Variants in HDAC8 observed in about 807,000 individuals in gnomAD.
HDAC8 encodes the protein histone deacetylase 8, also known as histone deacetylase-like 1.
HDAC8 carries 1 observed loss-of-function variant against 32.2 expected under a neutral mutation model. That is an observed-to-expected ratio of 0.03 (90% CI 0.01 to 0.15). The LOEUF is 0.15. Ranked by LOEUF, HDAC8 falls within the 10% of genes least tolerant of loss-of-function variation. The pLI, the probability that HDAC8 is intolerant of heterozygous loss-of-function variation, is 1.00. For synonymous variants in HDAC8, 108 were observed against 113.9 expected, an observed-to-expected ratio of 0.95 and a Z score of 0.33; for missense variants, 117 against 300.0, an observed-to-expected ratio of 0.39 and a Z score of 4.51.
intron 4 of HDAC8, among the ~76,000 whole-genome samples, chrX:72,515,587 T>TGGGGGGGGGGGGG (rs61675419): frequency 3.9e-4 from 13 of 33,720 alleles, no homozygotes; most frequent in Admixed American, 7.3e-4. Context: ...TCAGTGTGTG[T>TGGGGGGGGGGGGG]GGGGGGGGGG....
intron 7 of HDAC8, among the ~76,000 whole-genome samples, chrX:72,475,858 C>T (rs1007984109): frequency 9.0e-6 from 1 of 111,428 alleles, no homozygotes; most frequent in Non-Finnish European, 1.9e-5. Flanking sequence ...AGCAAACAAC[C>T]TCATATCCCT....
chrX:72,482,480 C>T (rs1237861068), intron 7 of HDAC8, among the ~76,000 whole-genome samples: 1 of 111,803 alleles, frequency 8.9e-6, no homozygotes, highest in Non-Finnish European at 1.9e-5. Flanking sequence ...CAAATTAAAT[C>T]CTTGAGATTA....
intron 7 of HDAC8, chrX:72,474,490 T>C: frequency 3.7e-6 from 4 of 1,068,034 alleles, no homozygotes; most frequent in Non-Finnish European, 4.8e-6. Context: ...TAATTTTTCG[T>C]TTTGTGAAAG....
At chrX:72,571,863 C>T (rs936204403) in intron 2 of HDAC8, 194 bp downstream of exon 2, 12 of 389,227 alleles carry the variant, frequency 3.1e-5, no homozygotes, top group Non-Finnish European at 4.3e-5. Context: ...GCCATGCTCT[C>T]GGCCCCCCAA....
intron 9 of HDAC8, among the ~76,000 whole-genome samples, chrX:72,456,534 C>T (rs782519608): frequency 8.9e-6 from 1 of 111,752 alleles, no homozygotes; most frequent in South Asian, 3.8e-4. Flanking sequence ...CATGGTGGCT[C>T]ACACCTGTAA....
At chrX:72,400,101 T>C (rs1258103768) in intron 9 of HDAC8, among the ~76,000 whole-genome samples, 1 of 111,802 alleles carries the variant, frequency 8.9e-6, no homozygotes, top group Non-Finnish European at 1.9e-5. Flanking sequence ...TCTTACCTCA[T>C]TGGTTATTCT....
At chrX:72,489,063 T>C in intron 6 of HDAC8, 22 bp from the exon 7 acceptor site, 1 of 1,056,424 alleles carries the variant, frequency 9.5e-7, no homozygotes, top group South Asian at 2.1e-5. Flanking sequence ...AAGAGCACTA[T>C]GATCAGTTAT....
chrX:72,404,104 G>T (rs73218354), intron 9 of HDAC8, among the ~76,000 whole-genome samples: 1,271 of 111,384 alleles, frequency 0.011, 6 homozygotes, highest in Middle Eastern at 0.028. Flanking sequence ...TATATATTTA[G>T]ATTTATTTAT....
intron 7 of HDAC8, among the ~76,000 whole-genome samples, chrX:72,477,124 G>A (rs1556000975): frequency 8.9e-6 from 1 of 111,945 alleles, no homozygotes; most frequent in Non-Finnish European, 1.9e-5. Flanking sequence ...AAATCAGATT[G>A]GAAGCCAAAC....
chrX:72,441,352 G>A (rs1218697911), intron 9 of HDAC8, among the ~76,000 whole-genome samples: 2 of 111,912 alleles, frequency 1.8e-5, no homozygotes, highest in Non-Finnish European at 3.8e-5. Flanking sequence ...CCAGAGGAAC[G>A]ATCAGACAGC....
chrX:72,370,643 G>C (rs2044845866), intron 9 of HDAC8, among the ~76,000 whole-genome samples: 1 of 112,318 alleles, frequency 8.9e-6, no homozygotes, highest in African/African-American at 3.2e-5. Flanking sequence ...ACAGGCGTGA[G>C]CCACTGTGCC....
At chrX:72,513,620 G>A (rs1428913198) in intron 4 of HDAC8, among the ~76,000 whole-genome samples, 4 of 111,081 alleles carry the variant, frequency 3.6e-5, no homozygotes, top group Admixed American at 9.6e-5. Context: ...GAGCCACTGC[G>A]CCTGGCCAAG....
chrX:72,424,585 C>G (rs1033006405), intron 9 of HDAC8, among the ~76,000 whole-genome samples: 1 of 111,410 alleles, frequency 9.0e-6, no homozygotes, highest in Non-Finnish European at 1.9e-5. Flanking sequence ...TTTTAAAAAC[C>G]ATTTTAAAGT....
chrX:72,391,469 T>A (rs781892874), intron 9 of HDAC8, among the ~76,000 whole-genome samples: 1 of 112,575 alleles, frequency 8.9e-6, no homozygotes, highest in Non-Finnish European at 1.9e-5. Context: ...GCCTGCTATA[T>A]GTGCAAGGCA....
intron 9 of HDAC8, among the ~76,000 whole-genome samples, chrX:72,458,247 T>G (rs1431448896): frequency 1.8e-5 from 2 of 112,858 alleles, no homozygotes; most frequent in African/African-American, 6.4e-5. Context: ...CTGGCCAACC[T>G]GGCTCCCCAG....
chrX:72,377,784 GA>G (rs1394087701), intron 9 of HDAC8, among the ~76,000 whole-genome samples: 13 of 111,265 alleles, frequency 1.2e-4, no homozygotes, highest in Non-Finnish European at 2.3e-4. Context: ...TTTTTAATTG[GA>G]ATGTTTAATC....
chrX:72,343,847 G>A (rs1276239845), intron 10 of HDAC8, among the ~76,000 whole-genome samples: 1 of 112,498 alleles, frequency 8.9e-6, no homozygotes, highest in African/African-American at 3.2e-5. Context: ...GCCCAGAATA[G>A]TGCCTGGCAC....
chrX:72,571,312 C>G (rs782550693), intron 2 of HDAC8, among the ~76,000 whole-genome samples: 1 of 110,818 alleles, frequency 9.0e-6, no homozygotes, highest in African/African-American at 3.3e-5. Flanking sequence ...GAACTCACAC[C>G]CTCAAATCTG....
chrX:72,545,473 A>G (rs2050831583), intron 4 of HDAC8, among the ~76,000 whole-genome samples: 1 of 112,488 alleles, frequency 8.9e-6, no homozygotes, highest in Non-Finnish European at 1.9e-5. Context: ...TCTCCATTTT[A>G]TAAATGAGGA....
Sources: gnomAD v4.1 joint callset for allele counts (sites outside exome capture counted in the v4.1 genomes callset) on GRCh38, gnomAD v4.1.1 for gene constraint, MANE v1.5 for transcripts, NCBI Gene and HGNC (gene_info 2026-07-23, HGNC 2026-07-21) for gene names.